RNF213: variants seen among roughly 807,000 people sequenced by gnomAD.
RNF213 encodes the protein E3 ubiquitin-protein ligase RNF213.
Under a neutral mutation model 514.4 loss-of-function variants are expected in RNF213, and 341 were observed. That is an observed-to-expected ratio of 0.66 (90% confidence interval 0.61 to 0.73). The LOEUF is 0.73. Among genes scored for constraint, RNF213 ranks in the 30% least tolerant of loss-of-function variants. RNF213 has a pLI of 0.00. For synonymous variants in RNF213, 2,655 were observed against 2,658.2 expected, an observed-to-expected ratio of 1.00 and a Z score of 0.04; for missense variants, 5,767 against 6,615.6, an observed-to-expected ratio of 0.87 and a Z score of 4.45.
intron 2 of RNF213, among the ~76,000 whole-genome samples, chr17:80,272,263 G>A (rs916199683): frequency 3.3e-5 from 5 of 152,220 alleles, no homozygotes; most frequent in East Asian, 1.9e-4. Flanking sequence ...CAGCCTGGGC[G>A]ACAGAGCAAG....
chr17:80,309,283 C>G, intron 14 of RNF213, 112 bp downstream of exon 14: 1 of 1,329,556 alleles, frequency 7.5e-7, no homozygotes, highest in Non-Finnish European at 1.1e-6. Context: ...TGAGATGGAG[C>G]GGTGGTTTCA....
intron 6 of RNF213, 73 bp downstream of exon 6, chr17:80,289,910 C>A: frequency 1.4e-6 from 2 of 1,450,038 alleles, no homozygotes; most frequent in South Asian, 1.2e-5. Context: ...CTGCACAACT[C>A]TCAGGGGATA....
chr17:80,297,270 T>G (rs1394884979), intron 10 of RNF213, among the ~76,000 whole-genome samples: 2 of 149,210 alleles, frequency 1.3e-5, no homozygotes, highest in Admixed American at 6.7e-5. Context: ...ACCAACATGG[T>G]GAAACACTGT....
rs1189641340 is a variant in RNF213 at position 80,398,642 on chromosome 17, TA to T, written c.*5146del. On this transcript the variant is annotated 3_prime_UTR_variant, in exon 68 of 68. Coordinates refer to ENST00000582970, the MANE Select transcript of RNF213 (RefSeq NM_001256071.3). The stretch of plus-strand genomic sequence containing the variant: ...AACAGTGGTTGAGAGAACAGCAGCA[TA>T]AGTGGCTGGCAGAGGCAAGGAAAGA... The T allele has an allele frequency of 9.2e-6, 1 of 108,798 alleles. No homozygotes were observed. Among genetic ancestry groups the T allele is most frequent in the East Asian group, 3.1e-4 (1 of 3,260 alleles). The allele number at this position is 108,798 out of a possible 1,614,324, so 6.7% of individuals were successfully genotyped here. A position where few individuals can be genotyped will look rare whatever the true frequency, so the allele number is the denominator to read the frequency against.
chr17:80,318,173 C>T (rs1369821769), intron 16 of RNF213, among the ~76,000 whole-genome samples: 1 of 152,116 alleles, frequency 6.6e-6, no homozygotes, highest in Non-Finnish European at 1.5e-5. Flanking sequence ...TCTTTATAGG[C>T]ACAAGATAGG....
intron 14 of RNF213, among the ~76,000 whole-genome samples, chr17:80,312,385 G>C (rs983835519): frequency 6.6e-6 from 1 of 152,104 alleles, no homozygotes; most frequent in Non-Finnish European, 1.5e-5. Flanking sequence ...CACGGAGGCG[G>C]GGGGAGAGCA....
chr17:80,321,286 A>C (rs914262052), intron 17 of RNF213: 1 of 152,286 alleles, frequency 6.6e-6, no homozygotes, highest in Non-Finnish European at 1.5e-5. Flanking sequence ...TGAATTTTTC[A>C]CTTGTGGCAT....
intron 18 of RNF213, among the ~76,000 whole-genome samples, chr17:80,327,132 G>A (rs1488476508): frequency 6.6e-6 from 1 of 152,180 alleles, no homozygotes; most frequent in Non-Finnish European, 1.5e-5. Context: ...GCATCCTCTG[G>A]TGCAGTTTCT....
At chr17:80,392,459 C>T (rs2144680881) in intron 67 of RNF213, among the ~76,000 whole-genome samples, 1 of 152,196 alleles carries the variant, frequency 6.6e-6, no homozygotes, top group East Asian at 1.9e-4. Flanking sequence ...AAGGGGCCAG[C>T]ACAGGGCTTG....
intron 1 of RNF213, among the ~76,000 whole-genome samples, chr17:80,262,372 A>G (rs2043453329): frequency 6.6e-6 from 1 of 152,216 alleles, no homozygotes; most frequent in African/African-American, 2.4e-5. Context: ...TGCAGAAGAC[A>G]GATGATTGAT....
At chr17:80,297,428 C>T (rs112005182) in intron 10 of RNF213, among the ~76,000 whole-genome samples, 1,957 of 139,784 alleles carry the variant, frequency 0.014, 25 homozygotes, top group Non-Finnish European at 0.022. Flanking sequence ...CCAGCCTGGG[C>T]GACACAGTGA....
chr17:80,361,949 C>G (rs547713682), intron 39 of RNF213, 61 bp downstream of exon 39: 88 of 1,559,658 alleles, frequency 5.6e-5, no homozygotes, highest in Non-Finnish European at 7.5e-5. Flanking sequence ...GGACTGGATG[C>G]AGACACGGAG....
In RNF213 at chr17:80,388,654, C is replaced by T; in HGVS notation, c.14965C>T (p.His4989Tyr). The change falls in exon 64 of 68, where the codon CAT (histidine) becomes TAT (tyrosine). Residue 4989 changes from histidine to tyrosine, a missense_variant. His to Tyr is a moderately conservative substitution (Grantham distance 83). This residue lies in a region of RNF213 where 1,245 missense variants were observed against 1,339.0 expected (regional missense o/e 0.93). Transcript: ENST00000582970. ...LVYRHDWNYE[H>Y]LFMDIKNKMA... is the part of the protein sequence containing the mutation. ...GTACAGACACGACTGGAACTATGAA[C>T]ATCTCTTTATGGACATCAAGAACAA... The T allele has an allele frequency of 1.2e-6, 2 of 1,612,958 alleles. No individual in the cohort carries two copies. The highest frequency in any genetic ancestry group is 8.5e-7 in the Non-Finnish European group (1 of 1,179,364).
In RNF213 at chr17:80,307,129, ATGTTCAG is replaced by A. The variant is rs760648524; in HGVS notation, c.2430_2436del (p.Asp810GlufsTer10). On this transcript the variant is annotated frameshift_variant and splice_region_variant, in exon 13 of 68. Coordinates refer to ENST00000582970, the MANE Select transcript of RNF213 (RefSeq NM_001256071.3). LOFTEE classifies it high-confidence loss of function. ...TTTTTCTTTTTTTCTCTGCCTTAGGATGTTCAGGATGTTCAGAACGTTCAGAACATTT... is the reference window on the plus strand; with the variant it reads ...TTTTTCTTTTTTTCTCTGCCTTAGGAGATGTTCAGAACGTTCAGAACATTT... 3 of 1,611,992 alleles carry A rather than the reference ATGTTCAG, an allele frequency of 1.9e-6. No homozygotes were observed.
intron 3 of RNF213, among the ~76,000 whole-genome samples, chr17:80,284,479 G>A (rs1336809958): frequency 1.3e-5 from 2 of 152,156 alleles, no homozygotes; most frequent in African/African-American, 4.8e-5. Flanking sequence ...GGGAAACAGA[G>A]GTTGCAGTGA....
intron 54 of RNF213, chr17:80,379,362 T>C: frequency 2.0e-6 from 1 of 505,038 alleles, no homozygotes. Flanking sequence ...TATATTTGTC[T>C]ATAAAGTGTC....
At chr17:80,334,949 T>TTCG (rs999071410) in intron 22 of RNF213, among the ~76,000 whole-genome samples, 1 of 148,258 alleles carries the variant, frequency 6.7e-6, no homozygotes, top group African/African-American at 2.5e-5. Flanking sequence ...GAGACGGAGT[T>TTCG]TCGCTCTTGT....
intron 67 of RNF213, among the ~76,000 whole-genome samples, chr17:80,391,730 A>C (rs889096095): frequency 3.1e-5 from 4 of 128,174 alleles, no homozygotes; most frequent in Admixed American, 8.2e-5. Flanking sequence ...ACTTACTAGG[A>C]TCTTCCTTAT....
intron 26 of RNF213, among the ~76,000 whole-genome samples, chr17:80,342,750 G>GTATA (rs937050513): frequency 1.4e-5 from 2 of 143,598 alleles, no homozygotes; most frequent in African/African-American, 5.1e-5. Context: ...TATATTGTAT[G>GTATA]TATATATATA....
Sources: gnomAD v4.1 joint callset for allele counts (sites outside exome capture counted in the v4.1 genomes callset) on GRCh38, gnomAD v4.1.1 for gene constraint, gnomAD v4.1.1 regional missense constraint, MANE v1.5 for transcripts, NCBI Gene and HGNC (gene_info 2026-07-23, HGNC 2026-07-21) for gene names.